The following CTDP1 variants were observed in gnomAD, a reference collection of about 807,000 sequenced individuals.
CTDP1 encodes CTD phosphatase 1.
A neutral mutation model predicts 91.8 loss-of-function variants in CTDP1; 47 were observed. The ratio of observed to expected loss-of-function variants is 0.51; its 90% CI spans 0.41 to 0.65. CTDP1 has a LOEUF of 0.65. Ranked by LOEUF, CTDP1 falls within the 30% of genes least tolerant of loss-of-function variation. The pLI is 0.00. For synonymous variants in CTDP1, 656 were observed against 598.5 expected (o/e 1.10, Z -1.40); for missense variants, 1,272 against 1,373.7 (o/e 0.93, Z 1.17).
intron 12 of CTDP1, among the ~76,000 whole-genome samples, 188 bp from the exon 13 acceptor site, chr18:79,753,464 C>T (rs931603108): frequency 1.3e-5 from 2 of 152,230 alleles, no homozygotes; most frequent in Non-Finnish European, 2.9e-5. Context: ...TCTTCTCCTG[C>T]GCTGGGGCTC....
intron 3 of CTDP1, 31 bp from the exon 4 acceptor site, chr18:79,697,829 T>G: frequency 9.3e-6 from 15 of 1,614,066 alleles, no homozygotes; most frequent in Non-Finnish European, 1.3e-5. Flanking sequence ...ACATACTGAC[T>G]TTGTCATTTC....
chr18:79,677,237 C>T (rs1050180220), upstream of CTDP1: 1 of 152,296 alleles, frequency 6.6e-6, no homozygotes, highest in African/African-American at 2.4e-5. Context: ...CCCGACATCA[C>T]CCTGGGCTTG....
At chr18:79,732,025 C>T (rs912660159) in intron 11 of CTDP1, among the ~76,000 whole-genome samples, 36 of 150,272 alleles carry the variant, frequency 2.4e-4, no homozygotes, top group Middle Eastern at 3.2e-3. Context: ...TCACTAACAT[C>T]AGGAGTGCTC....
At chr18:79,681,744 CGTCT>C (rs1281494088) in intron 1 of CTDP1, among the ~76,000 whole-genome samples, 5 of 152,128 alleles carry the variant, frequency 3.3e-5, no homozygotes, top group Admixed American at 3.3e-4. Flanking sequence ...TCAGATGGAG[CGTCT>C]GTGTGGCACC....
chr18:79,728,916 G>A lies in CTDP1; in HGVS notation c.2427G>A (p.Pro809=), dbSNP rs1395988601. Reference sequence around the variant, plus strand: ...ATGAAATTCCTTTCAGAGCGGTTCCGCCACCCCAGCCGCAGATGTTTGGTG... The same window carrying A: ...ATGAAATTCCTTTCAGAGCGGTTCCACCACCCCAGCCGCAGATGTTTGGTG... ...RQEPSSFRAV[P]PPQPQMFGEE... Residue 809 remains proline (P), a synonymous_variant, in exon 11 of 13, where the codon CCG becomes CCA. Transcript: ENST00000613122. The A allele has an allele frequency of 2.0e-5, 33 of 1,613,890 alleles. No individual in the cohort carries two copies. Among genetic ancestry groups the A allele is most frequent in the African/African-American group, 5.3e-5 (4 of 74,952 alleles).
chr18:79,715,019 G>A lies in CTDP1; in HGVS notation c.1559G>A (p.Gly520Asp), dbSNP rs1243519941. 3 of 1,598,782 alleles carry A rather than the reference G, an allele frequency of 1.9e-6. No homozygotes were observed. The highest frequency in any genetic ancestry group is 2.6e-6 in the Non-Finnish European group (3 of 1,173,852). Residue 520 changes from glycine to aspartate, a missense_variant, in exon 8 of 13, where the codon GGC (glycine) becomes GAC (aspartate). Physicochemically the swap from Gly to Asp is moderately conservative, Grantham distance 94. Transcript: ENST00000613122. ...AGTCTCCCCGGAGAGGCCGAGCCTG[G>A]CGCGCATGCCCCGGACAAGGAGCCT... ...APSLPGEAEPGAHAPDKEPEL... is the reference protein window; with the variant it reads ...APSLPGEAEPDAHAPDKEPEL...
intron 9 of CTDP1, 64 bp from the exon 10 acceptor site, chr18:79,717,745 AC>A: frequency 6.2e-7 from 1 of 1,613,744 alleles, no homozygotes; most frequent in South Asian, 1.1e-5. Flanking sequence ...TGGTTCATGC[AC>A]CTGGGCAGTG....
At chr18:79,720,224 GCTGTC>G (rs2086310526) in intron 10 of CTDP1, among the ~76,000 whole-genome samples, 1 of 150,054 alleles carries the variant, frequency 6.7e-6, no homozygotes, top group Admixed American at 6.6e-5. Context: ...TCCTGGTGAT[GCTGTC>G]ACCTCCCATT....
At chr18:79,685,771 G>A (rs1350786875) in intron 1 of CTDP1, among the ~76,000 whole-genome samples, 9 of 152,144 alleles carry the variant, frequency 5.9e-5, no homozygotes, top group Non-Finnish European at 4.4e-5. Flanking sequence ...CACGAACGTC[G>A]TCACCTAAGG....
intron 11 of CTDP1, among the ~76,000 whole-genome samples, chr18:79,731,345 C>G (rs2086562953): frequency 6.6e-6 from 1 of 152,202 alleles, no homozygotes; most frequent in Non-Finnish European, 1.5e-5. Context: ...TCCACGTCGA[C>G]AGAGGAGAGG....
intron 12 of CTDP1, among the ~76,000 whole-genome samples, chr18:79,744,349 T>C (rs1042582833): frequency 6.6e-6 from 1 of 152,234 alleles, no homozygotes; most frequent in East Asian, 1.9e-4. Context: ...CTGACACAGA[T>C]ACTTGGAGTT....
intron 1 of CTDP1, among the ~76,000 whole-genome samples, chr18:79,686,864 G>T (rs1353862757): frequency 6.6e-6 from 1 of 150,844 alleles, no homozygotes; most frequent in Non-Finnish European, 1.5e-5. Context: ...CAGTTCACTG[G>T]TGGGCCTGCA....
At chr18:79,699,027 G>A (rs1483659447) in intron 4 of CTDP1, among the ~76,000 whole-genome samples, 1 of 152,162 alleles carries the variant, frequency 6.6e-6, no homozygotes, top group Non-Finnish European at 1.5e-5. Context: ...AAACTCTCGC[G>A]TTTTATGCTG....
chr18:79,727,395 G>A (rs926341046), intron 10 of CTDP1, among the ~76,000 whole-genome samples: 2 of 152,076 alleles, frequency 1.3e-5, no homozygotes, highest in Non-Finnish European at 2.9e-5. Flanking sequence ...CAGCGTTCAC[G>A]GTGTTCACGG....
At chr18:79,747,638 G>A (rs1283355074) in intron 12 of CTDP1, among the ~76,000 whole-genome samples, 2 of 152,198 alleles carry the variant, frequency 1.3e-5, no homozygotes, top group Non-Finnish European at 2.9e-5. Context: ...CCGCTCTCAC[G>A]CCACGTTCCA....
intron 12 of CTDP1, among the ~76,000 whole-genome samples, chr18:79,737,010 G>C (rs2086683875): frequency 6.6e-6 from 1 of 152,254 alleles, no homozygotes; most frequent in South Asian, 2.1e-4. Flanking sequence ...CCAGCGTCCT[G>C]CATGTCGAGG....
rs1280371830 is a variant in CTDP1 at position 79,746,275 on chromosome 18, C to A, written c.2748-7377C>A. Among the ~76,000 whole-genome samples, 10 of 88,654 alleles carry A rather than the reference C, an allele frequency of 1.1e-4. No homozygotes were observed. In the East Asian group the frequency reaches 2.8e-3, roughly 24 times the overall value. 58.2% of individuals were successfully genotyped at this position (88,654 alleles called of 152,430 possible). On this transcript the variant is annotated intron_variant, in intron 12 of 12. Coordinates refer to ENST00000613122, the MANE Select transcript of CTDP1 (RefSeq NM_004715.5). ...TCCCGTGCGCGTTCTGTGCCCGCGT[C>A]CCTCCCGTGCGCGTTCTGTCCCTGC...
At chr18:79,712,005 T>C (rs894914545) in intron 6 of CTDP1, among the ~76,000 whole-genome samples, 1 of 16,012 alleles carries the variant, frequency 6.2e-5, no homozygotes, top group African/African-American at 1.7e-4. Context: ...CCCCACAGAC[T>C]GTGAGACCTA....
At chr18:79,686,097 C>A (rs960484938) in intron 1 of CTDP1, among the ~76,000 whole-genome samples, 1 of 152,092 alleles carries the variant, frequency 6.6e-6, no homozygotes, top group East Asian at 1.9e-4. Flanking sequence ...TGGTTTTGTT[C>A]GTCTGTGATT....
Sources: gnomAD v4.1 joint callset for allele counts (sites outside exome capture counted in the v4.1 genomes callset) on GRCh38, gnomAD v4.1.1 for gene constraint, MANE v1.5 for transcripts, NCBI Gene and HGNC (gene_info 2026-07-23, HGNC 2026-07-21) for gene names.